Variants in NAV2 observed in about 807,000 individuals in gnomAD.
The protein encoded by NAV2 is neuron navigator 2, also known as helicase, APC down-regulated 1.
A neutral mutation model predicts 223.2 loss-of-function variants in NAV2; 54 were observed. The observed-to-expected ratio is 0.24, with a 90% CI of 0.19 to 0.30. The LOEUF is 0.30. NAV2 is among the 10% of genes least tolerant of loss of function. The probability of loss-of-function intolerance (pLI) is 1.00; values close to 1 mark genes in which losing one functional copy is unlikely to be tolerated. For missense variants in NAV2, 2,806 were observed against 3,147.5 expected (o/e 0.89, Z 2.60); for synonymous variants, 1,279 against 1,239.3 (o/e 1.03, Z -0.67).
intron 1 of NAV2, among the ~76,000 whole-genome samples, chr11:19,512,274 G>T (rs897140724): frequency 6.6e-6 from 1 of 152,168 alleles, no homozygotes; most frequent in Non-Finnish European, 1.5e-5. Context: ...CCTTGCATGG[G>T]CTGTAAAGTG....
intron 10 of NAV2, among the ~76,000 whole-genome samples, chr11:19,972,119 G>A (rs143243563): frequency 8.5e-5 from 13 of 152,314 alleles, no homozygotes; most frequent in African/African-American, 3.1e-4. Context: ...CAGAATCACT[G>A]TATCTTTAAT....
At chr11:19,443,269 T>G (rs1273023505) in intron 1 of NAV2, among the ~76,000 whole-genome samples, 1 of 152,168 alleles carries the variant, frequency 6.6e-6, no homozygotes, top group Non-Finnish European at 1.5e-5. Context: ...CTGCGACACT[T>G]GGATGAAATG....
chr11:19,884,423 C>A, intron 5 of NAV2: 2 of 1,436,116 alleles, frequency 1.4e-6, no homozygotes, highest in Non-Finnish European at 2.0e-6. Context: ...TTCCATTGTT[C>A]CCTCTGTTCT....
intron 6 of NAV2, among the ~76,000 whole-genome samples, chr11:19,904,659 C>T (rs1238968008): frequency 6.6e-6 from 1 of 152,026 alleles, no homozygotes. Flanking sequence ...CTTTTTTCTT[C>T]TCTCTCTGGA....
chr11:19,868,060 G>C (rs1243917082), intron 3 of NAV2, among the ~76,000 whole-genome samples: 1 of 152,086 alleles, frequency 6.6e-6, no homozygotes, highest in Non-Finnish European at 1.5e-5. Flanking sequence ...TCATAGGAAT[G>C]TTGACGGAAC....
rs570569973 is a variant in NAV2, at chr11:19,379,622, T to G, written c.75+28595T>G. On this transcript the variant is annotated intron_variant, in intron 1 of 37. Coordinates refer to the NAV2 transcript ENST00000360655. ...ACCTGCTGGGCTTGGCCACATCCGCTGCCCTGACTCTTCCCTCCTCCGGCA... is the reference window on the plus strand; with the variant it reads ...ACCTGCTGGGCTTGGCCACATCCGCGGCCCTGACTCTTCCCTCCTCCGGCA... Among the ~76,000 whole-genome samples, 23 of 152,322 alleles carry G rather than the reference T, an allele frequency of 1.5e-4. No homozygotes were observed. In the South Asian group the frequency reaches 4.8e-3, roughly 32 times the overall value.
At chr11:19,618,393 G>GATGTATGTATGT (rs796800924) in intron 1 of NAV2, among the ~76,000 whole-genome samples, 1 of 19,714 alleles carries the variant, frequency 5.1e-5, no homozygotes, top group African/African-American at 7.5e-5. Flanking sequence ...TGGATGGATG[G>GATGTATGTATGT]ATGAATAGAT....
chr11:19,584,539 T>C (rs1377391710), intron 1 of NAV2, among the ~76,000 whole-genome samples: 3 of 152,168 alleles, frequency 2.0e-5, no homozygotes, highest in African/African-American at 4.8e-5. Flanking sequence ...TCCCTCTACA[T>C]GCTGCTTTGA....
chr11:19,936,611 G>A (rs10500864), intron 7 of NAV2, among the ~76,000 whole-genome samples: 8,280 of 152,204 alleles, frequency 0.054, 752 homozygotes, highest in African/African-American at 0.19. Context: ...AAGAGCACCA[G>A]GATACGAATC....
chr11:19,903,380 A>T (rs974582415), intron 6 of NAV2, among the ~76,000 whole-genome samples: 2 of 152,150 alleles, frequency 1.3e-5, no homozygotes, highest in Non-Finnish European at 2.9e-5. Flanking sequence ...AGCTCCTGCC[A>T]TGATTCCTTA....
In NAV2 at chr11:19,938,893, G is replaced by A. The variant is rs375120484; in HGVS notation, c.2034-768G>A. Reference sequence around the variant, plus strand: ...CGTTTTCTTCACAGGTAGTGAAATCGGTTGAATTAGTTCAGCATGCCAGTG... The same window carrying A: ...CGTTTTCTTCACAGGTAGTGAAATCAGTTGAATTAGTTCAGCATGCCAGTG... On this transcript the variant is annotated intron_variant, in intron 7 of 37. Coordinates refer to ENST00000349880, the MANE Select transcript of NAV2 (RefSeq NM_145117.5). 1.5e-4 allele frequency among the ~76,000 whole-genome samples: 23 copies of A among 152,328 alleles called. No individual in the cohort carries two copies. The East Asian group carries it at 2.9e-3, about 19-fold the overall frequency.
At chr11:19,922,865 T>C (rs2044393682) in intron 6 of NAV2, among the ~76,000 whole-genome samples, 1 of 152,174 alleles carries the variant, frequency 6.6e-6, no homozygotes, top group South Asian at 2.1e-4. Context: ...ATTCCTGTGT[T>C]AATATAACCC....
At chr11:19,846,378 C>G (rs141745524) in intron 3 of NAV2, among the ~76,000 whole-genome samples, 1 of 152,192 alleles carries the variant, frequency 6.6e-6, no homozygotes, top group African/African-American at 2.4e-5. Context: ...CACAGTACAA[C>G]AGACTCATAG....
At chr11:19,747,256 G>A (rs932927935) in intron 1 of NAV2, among the ~76,000 whole-genome samples, 7 of 151,924 alleles carry the variant, frequency 4.6e-5, no homozygotes, top group Admixed American at 3.3e-4. Flanking sequence ...GTATTCCATG[G>A]TGTATATGTG....
intron 1 of NAV2, among the ~76,000 whole-genome samples, chr11:19,672,483 G>A (rs2048598880): frequency 6.6e-6 from 1 of 152,100 alleles, no homozygotes; most frequent in South Asian, 2.1e-4. Flanking sequence ...ATTTCTCCAA[G>A]TGTTAATTTT....
intron 4 of NAV2, among the ~76,000 whole-genome samples, chr11:19,872,064 C>T (rs1192298775): frequency 1.3e-5 from 2 of 152,148 alleles, no homozygotes; most frequent in African/African-American, 4.8e-5. Context: ...TGAACTGCTG[C>T]ATTCCTTTGG....
At chr11:19,483,468 T>C (rs1590300933) in intron 1 of NAV2, among the ~76,000 whole-genome samples, 1 of 152,226 alleles carries the variant, frequency 6.6e-6, no homozygotes, top group African/African-American at 2.4e-5. Context: ...AGGGTAGTGA[T>C]GCTGGAAATT....
chr11:19,372,455 C>T (rs1050765601), intron 1 of NAV2, among the ~76,000 whole-genome samples: 1 of 152,154 alleles, frequency 6.6e-6, no homozygotes, highest in African/African-American at 2.4e-5. Flanking sequence ...GTATTTTCTT[C>T]AGATGGAGCT....
intron 1 of NAV2, among the ~76,000 whole-genome samples, chr11:19,470,289 ACTGGAAAG>A (rs2041922094): frequency 6.6e-6 from 1 of 152,236 alleles, no homozygotes; most frequent in Non-Finnish European, 1.5e-5. Flanking sequence ...CAGGTGGAAC[ACTGGAAAG>A]GGTGATTGGA....
Sources: allele counts gnomAD v4.1 joint callset (sites outside exome capture counted in the v4.1 genomes callset), GRCh38; gene constraint gnomAD v4.1.1; transcripts MANE v1.5; gene names NCBI Gene and HGNC (gene_info 2026-07-23, HGNC 2026-07-21).